GRM5: variants seen among roughly 807,000 people sequenced by gnomAD.
The protein encoded by GRM5 is glutamate metabotropic receptor 5, also known as metabotropic glutamate receptor 5.
In GRM5, 19 loss-of-function variants were observed where a neutral mutation model predicts 83.1. The ratio of observed to expected loss-of-function variants is 0.23; its 90% CI spans 0.16 to 0.34. GRM5 has a LOEUF of 0.34. Among genes scored for constraint, GRM5 ranks in the 10% least tolerant of loss-of-function variants. The pLI is 1.00. For missense variants in GRM5, 1,160 were observed against 1,588.3 expected, an observed-to-expected ratio of 0.73 and a Z score of 4.58; for synonymous variants, 675 against 633.6, an observed-to-expected ratio of 1.07 and a Z score of -0.98.
intron 2 of GRM5, among the ~76,000 whole-genome samples, chr11:88,933,878 C>A (rs549389589): frequency 6.6e-6 from 1 of 151,918 alleles, no homozygotes; most frequent in South Asian, 2.1e-4. Flanking sequence ...CTTGGAACAT[C>A]TCTTACATAT....
At chr11:88,740,313 A>G (rs1499173) in intron 3 of GRM5, among the ~76,000 whole-genome samples, 13,698 of 151,958 alleles carry the variant, frequency 0.09, 748 homozygotes, top group African/African-American at 0.16. Flanking sequence ...ATAGCTTTCT[A>G]TTGCCTCCCT....
intron 2 of GRM5, among the ~76,000 whole-genome samples, chr11:89,035,520 A>G (rs1278848530): frequency 6.6e-6 from 1 of 151,900 alleles, no homozygotes; most frequent in Admixed American, 6.6e-5. Flanking sequence ...TGAAGAAATC[A>G]TTAAAAATAC....
intron 8 of GRM5, among the ~76,000 whole-genome samples, chr11:88,560,446 A>G (rs1337779279): frequency 1.3e-5 from 2 of 152,092 alleles, no homozygotes; most frequent in East Asian, 1.9e-4. Context: ...TTTTTTATCT[A>G]TCTCTGTATC....
At chr11:88,760,077 T>C (rs928602036) in intron 3 of GRM5, among the ~76,000 whole-genome samples, 13 of 151,758 alleles carry the variant, frequency 8.6e-5, no homozygotes, top group African/African-American at 2.9e-4. Flanking sequence ...ACTAAGGCAA[T>C]GTTAAGGAAA....
Position 89,003,922 on chromosome 11 carries a change from A to G in GRM5, c.661+43290T>C, listed in dbSNP as rs1006996788. Among the ~76,000 whole-genome samples the G allele has an allele frequency of 8.5e-5, 13 of 152,310 alleles. No homozygotes were observed. The East Asian group carries it at 2.5e-3, about 29-fold the overall frequency. ...GTCAAGTATGGTGGCAGGTACATGT[A>G]CAAGGGAATATAGAGATATCCCAAT... On this transcript the variant is annotated intron_variant, in intron 2 of 9. Transcript: ENST00000305447.
intron 3 of GRM5, among the ~76,000 whole-genome samples, chr11:88,776,486 C>A (rs533318298): frequency 6.6e-6 from 1 of 152,160 alleles, no homozygotes; most frequent in South Asian, 2.1e-4. Context: ...CATTATGATG[C>A]TAGCTGGTTT....
At chr11:88,905,601 C>T (rs1311125323) in intron 2 of GRM5, among the ~76,000 whole-genome samples, 1 of 152,114 alleles carries the variant, frequency 6.6e-6, no homozygotes, top group African/African-American at 2.4e-5. Flanking sequence ...CTCGGCCTCC[C>T]AAAGTGTTGG....
chr11:89,018,573 T>G (rs1427827220), intron 2 of GRM5, among the ~76,000 whole-genome samples: 1 of 152,160 alleles, frequency 6.6e-6, no homozygotes, highest in Admixed American at 6.5e-5. Context: ...CCAAATGCTA[T>G]GAGAGGCACT....
chr11:88,534,138 G>C (rs1317710798), intron 8 of GRM5, among the ~76,000 whole-genome samples: 1 of 152,218 alleles, frequency 6.6e-6, no homozygotes, highest in Non-Finnish European at 1.5e-5. Context: ...ACCTCTGCTA[G>C]GGCAGTGCAG....
intron 3 of GRM5, among the ~76,000 whole-genome samples, chr11:88,663,007 C>A (rs1390766001): frequency 6.6e-6 from 1 of 152,162 alleles, no homozygotes; most frequent in Non-Finnish European, 1.5e-5. Flanking sequence ...TGAAATAATA[C>A]ACGCATTTTT....
chr11:88,780,390 T>C (rs1230167776), intron 3 of GRM5, among the ~76,000 whole-genome samples: 1 of 152,202 alleles, frequency 6.6e-6, no homozygotes, highest in Non-Finnish European at 1.5e-5. Context: ...CATGAGTTTA[T>C]AGTCATGACT....
chr11:88,899,058 G>GT (rs1402262096), intron 2 of GRM5, among the ~76,000 whole-genome samples: 4 of 151,798 alleles, frequency 2.6e-5, no homozygotes, highest in Non-Finnish European at 5.9e-5. Flanking sequence ...TCTCATTATT[G>GT]TTACTTGTCA....
chr11:88,991,059 G>C (rs891401635), intron 2 of GRM5, among the ~76,000 whole-genome samples: 6 of 152,158 alleles, frequency 3.9e-5, no homozygotes, highest in Non-Finnish European at 8.8e-5. Context: ...ATTAGGAAAA[G>C]AGGAAGTCTG....
intron 3 of GRM5, among the ~76,000 whole-genome samples, chr11:88,795,658 T>C (rs994361365): frequency 2.0e-5 from 3 of 152,198 alleles, no homozygotes; most frequent in Admixed American, 1.3e-4. Context: ...TGAGATATTA[T>C]TAGCACTCTC....
chr11:88,958,535 T>C lies in GRM5; in HGVS notation c.661+88677A>G, dbSNP rs190635457. ...AGGCTTAGGCTTAAATATTCACACA[T>C]TTCAATATAAAATATAACTAAAGAC... is the stretch of plus-strand genomic sequence containing the variant. On this transcript the variant is annotated intron_variant, in intron 2 of 9. Coordinates refer to ENST00000305447, the MANE Select transcript of GRM5 (RefSeq NM_001143831.3). 8.4e-3 allele frequency among the ~76,000 whole-genome samples: 1,274 copies of C among 152,186 alleles called. 19 individuals carry two copies. Among genetic ancestry groups the C allele is most frequent in the African/African-American group, 0.028 (1,156 of 41,570 alleles).
intron 2 of GRM5, among the ~76,000 whole-genome samples, chr11:88,855,514 C>T (rs1944458975): frequency 6.6e-6 from 1 of 151,654 alleles, no homozygotes; most frequent in African/African-American, 2.4e-5. Context: ...TTTGTAATTG[C>T]TAAAAAAGTT....
chr11:88,597,167 C>A lies in GRM5; in HGVS notation c.1563+17G>T. The A allele has an allele frequency of 6.8e-7, 1 of 1,477,256 alleles. No individual in the cohort carries two copies. Among genetic ancestry groups the A allele is most frequent in the Non-Finnish European group, 9.1e-7 (1 of 1,098,822 alleles). 91.5% of individuals were successfully genotyped at this position (1,477,256 alleles called of 1,614,324 possible). ...GAATTTACAACAAAAATGAAAGAAA[C>A]ATAGATTCCATTTTACCTTGATCTG... On this transcript the variant is annotated intron_variant, in intron 6 of 9. Coordinates refer to ENST00000305447, the MANE Select transcript of GRM5 (RefSeq NM_001143831.3).
At chr11:88,908,700 T>G (rs1339515680) in intron 2 of GRM5, among the ~76,000 whole-genome samples, 1 of 152,158 alleles carries the variant, frequency 6.6e-6, no homozygotes, top group African/African-American at 2.4e-5. Context: ...TTTGGGGTCA[T>G]TTTCTCTCTC....
At chr11:88,550,838 A>G (rs1207554873) in intron 8 of GRM5, among the ~76,000 whole-genome samples, 1 of 152,124 alleles carries the variant, frequency 6.6e-6, no homozygotes, top group African/African-American at 2.4e-5. Context: ...TTCAAATACA[A>G]TCTTAGTGTT....
Sources: gnomAD v4.1 joint callset for allele counts (sites outside exome capture counted in the v4.1 genomes callset) on GRCh38, gnomAD v4.1.1 for gene constraint, MANE v1.5 for transcripts, NCBI Gene and HGNC (gene_info 2026-07-23, HGNC 2026-07-21) for gene names.